Variants in LRMDA observed in about 807,000 individuals in gnomAD.
LRMDA encodes the protein leucine-rich melanocyte differentiation-associated protein.
LRMDA carries 18 observed loss-of-function variants against 29.8 expected under a neutral mutation model. The ratio of observed to expected loss-of-function variants is 0.60; its 90% CI spans 0.42 to 0.90. The LOEUF (loss-of-function observed/expected upper bound fraction) is 0.90, where lower values mean the gene tolerates loss of function less well. LRMDA is among the 40% of genes least tolerant of loss of function. The pLI, the probability that LRMDA is intolerant of heterozygous loss-of-function variation, is 0.00. For missense variants in LRMDA, 273 were observed against 273.9 expected, an observed-to-expected ratio of 1.00 and a Z score of 0.02; for synonymous variants, 125 against 109.4, an observed-to-expected ratio of 1.14 and a Z score of -0.89.
intron 2 of LRMDA, among the ~76,000 whole-genome samples, chr10:75,748,187 A>T (rs1476314742): frequency 2.0e-5 from 3 of 151,918 alleles, no homozygotes; most frequent in Non-Finnish European, 4.4e-5. Context: ...TCTGCCTCCC[A>T]GGTTCAAGTG....
intron 2 of LRMDA, among the ~76,000 whole-genome samples, chr10:75,841,582 G>A (rs942373478): frequency 3.3e-5 from 5 of 152,150 alleles, no homozygotes; most frequent in African/African-American, 9.7e-5. Flanking sequence ...GTTATGCCGT[G>A]AAGACTTACC....
chr10:76,375,188 T>C (rs1254799793), intron 6 of LRMDA, among the ~76,000 whole-genome samples: 2 of 152,338 alleles, frequency 1.3e-5, no homozygotes, highest in East Asian at 3.9e-4. Context: ...CTGATGATCT[T>C]TGAAGAAGCC....
chr10:76,523,211 C>T (rs530300545), intron 6 of LRMDA, among the ~76,000 whole-genome samples: 13 of 152,174 alleles, frequency 8.5e-5, no homozygotes, highest in South Asian at 2.1e-4. Context: ...AAATTTCCCC[C>T]GTGTGCTTTA....
chr10:75,791,604 G>T (rs1235559591), intron 2 of LRMDA, among the ~76,000 whole-genome samples: 1 of 152,162 alleles, frequency 6.6e-6, no homozygotes, highest in Non-Finnish European at 1.5e-5. Flanking sequence ...CACACTCCCA[G>T]ATATTCAGGA....
At chr10:76,449,122 GA>G (rs1433320307) in intron 6 of LRMDA, among the ~76,000 whole-genome samples, 4 of 151,694 alleles carry the variant, frequency 2.6e-5, no homozygotes, top group African/African-American at 9.7e-5. Flanking sequence ...AGGGGTATTT[GA>G]AAAGAACTTA....
intron 5 of LRMDA, among the ~76,000 whole-genome samples, chr10:76,299,197 G>T (rs74148415): frequency 6.8e-6 from 1 of 147,922 alleles, no homozygotes; most frequent in Non-Finnish European, 1.5e-5. Flanking sequence ...GTGCATGCAC[G>T]CACGCGCAAT....
chr10:75,566,754 T>G (rs1840377205), intron 2 of LRMDA, among the ~76,000 whole-genome samples: 1 of 152,202 alleles, frequency 6.6e-6, no homozygotes, highest in Admixed American at 6.5e-5. Context: ...CAGCCCCACT[T>G]TCTCTTTCTC....
chr10:75,921,073 A>C (rs990762199), intron 2 of LRMDA, among the ~76,000 whole-genome samples: 1 of 152,220 alleles, frequency 6.6e-6, no homozygotes, highest in Non-Finnish European at 1.5e-5. Flanking sequence ...TTAAACAGGG[A>C]TATTTCTGCC....
intron 2 of LRMDA, among the ~76,000 whole-genome samples, chr10:75,856,277 T>G (rs992634745): frequency 6.6e-6 from 1 of 152,200 alleles, no homozygotes; most frequent in Non-Finnish European, 1.5e-5. Flanking sequence ...AAGAGGTCCT[T>G]CATGTCCGTT....
intron 2 of LRMDA, among the ~76,000 whole-genome samples, chr10:75,858,562 G>A (rs1455908807): frequency 3.9e-5 from 6 of 152,192 alleles, no homozygotes; most frequent in Admixed American, 2.6e-4. Flanking sequence ...GAGTGGGAGA[G>A]GCTGGGATTA....
intron 2 of LRMDA, among the ~76,000 whole-genome samples, chr10:75,795,018 A>G (rs1487702025): frequency 2.7e-5 from 4 of 150,036 alleles, no homozygotes; most frequent in South Asian, 2.1e-4. Flanking sequence ...GATATTCTCT[A>G]TTTCTTTTTA....
intron 2 of LRMDA, among the ~76,000 whole-genome samples, chr10:76,004,551 C>T (rs767974150): frequency 1.1e-4 from 16 of 152,164 alleles, no homozygotes; most frequent in South Asian, 2.1e-4. Flanking sequence ...CAGTGTCAGG[C>T]AGGCCACAGA....
At chr10:75,652,309 G>T (rs1841609659) in intron 2 of LRMDA, among the ~76,000 whole-genome samples, 1 of 152,186 alleles carries the variant, frequency 6.6e-6, no homozygotes, top group South Asian at 2.1e-4. Context: ...GAAGCAAAAT[G>T]CTCAATCCTT....
intron 2 of LRMDA, among the ~76,000 whole-genome samples, chr10:75,931,129 T>C (rs1846199211): frequency 6.6e-6 from 1 of 152,202 alleles, no homozygotes; most frequent in Non-Finnish European, 1.5e-5. Context: ...AACTGCTTTT[T>C]ACTCTAAAAA....
At chr10:76,082,273 C>T (rs903312434) in intron 5 of LRMDA, among the ~76,000 whole-genome samples, 1 of 152,092 alleles carries the variant, frequency 6.6e-6, no homozygotes, top group Non-Finnish European at 1.5e-5. Flanking sequence ...CTAAGTTGAC[C>T]TAGAAAGTGT....
At chr10:75,861,409 C>G (rs566018040) in intron 2 of LRMDA, among the ~76,000 whole-genome samples, 8 of 152,326 alleles carry the variant, frequency 5.3e-5, no homozygotes, top group African/African-American at 1.9e-4. Context: ...AATGGGAGAA[C>G]AAGTGCTGTA....
intron 2 of LRMDA, among the ~76,000 whole-genome samples, chr10:75,709,486 C>A (rs1301436597): frequency 6.6e-6 from 1 of 151,174 alleles, no homozygotes; most frequent in Non-Finnish European, 1.5e-5. Flanking sequence ...GCTTATAGGA[C>A]ATGAGTCCAT....
chr10:76,449,165 A>G (rs1842381692), intron 6 of LRMDA, among the ~76,000 whole-genome samples: 1 of 151,814 alleles, frequency 6.6e-6, no homozygotes, highest in Non-Finnish European at 1.5e-5. Flanking sequence ...AAGGAAATAT[A>G]TGTATATATA....
chr10:76,137,503 A>G (rs994069024), intron 5 of LRMDA, among the ~76,000 whole-genome samples: 1 of 152,128 alleles, frequency 6.6e-6, no homozygotes, highest in African/African-American at 2.4e-5. Context: ...GAATTTGCTG[A>G]TGGAAATGTT....
Sources: gnomAD v4.1 joint callset for allele counts (sites outside exome capture counted in the v4.1 genomes callset) on GRCh38, gnomAD v4.1.1 for gene constraint, MANE v1.5 for transcripts, NCBI Gene and HGNC (gene_info 2026-07-23, HGNC 2026-07-21) for gene names.